Variants in OR3A2 observed in about 807,000 individuals in gnomAD.
The protein encoded by OR3A2 is olfactory receptor 3A2.
For synonymous variants in OR3A2, 126 were observed against 159.3 expected, an observed-to-expected ratio of 0.79 and a Z score of 1.57; for missense variants, 318 against 392.8, an observed-to-expected ratio of 0.81 and a Z score of 1.61.
rs376499655 is a variant in OR3A2, at chr17:3,311,399, G to A, written c.-85+24634C>T. 30 of 506,478 alleles carry A rather than the reference G, an allele frequency of 5.9e-5. No homozygotes were observed. The highest frequency in any genetic ancestry group is 3.7e-4 in the Middle Eastern group (1 of 2,706). The allele number at this position is 506,478 out of a possible 1,614,324, so 31.4% of individuals were successfully genotyped here. A position where few individuals can be genotyped will look rare whatever the true frequency, so the allele number is the denominator to read the frequency against. ...TGTCAGCTTCTCACCAACAGCACTC[G>A]CATGAGCTGTGAAGTCCAGGGTGCC... On this transcript the variant is annotated intron_variant, in intron 3 of 4. Transcript: ENST00000573491. This position sits in a 1 kb window ranked among gnomAD's most constrained non-coding sequence, Gnocchi z 4.6.
At chr17:3,334,067 A>G (rs1048608354) in intron 3 of OR3A2, among the ~76,000 whole-genome samples, 1 of 152,338 alleles carries the variant, frequency 6.6e-6, no homozygotes, top group Non-Finnish European at 1.5e-5. Flanking sequence ...ATCATCTCAC[A>G]CCAGTCAGAA....
intron 2 of OR3A2, among the ~76,000 whole-genome samples, chr17:3,382,738 A>G (rs576720754): frequency 3.9e-5 from 6 of 152,200 alleles, no homozygotes; most frequent in African/African-American, 1.2e-4. Context: ...AAGCATCTGT[A>G]TATCTGGTGG....
At chr17:3,345,507 T>C (rs1209271958) in intron 2 of OR3A2, among the ~76,000 whole-genome samples, 1 of 151,690 alleles carries the variant, frequency 6.6e-6, no homozygotes, top group Non-Finnish European at 1.5e-5. Flanking sequence ...AACAAAATTA[T>C]AATAAGCAGC....
intron 1 of OR3A2, among the ~76,000 whole-genome samples, chr17:3,384,800 G>A (rs2049765085): frequency 6.6e-6 from 1 of 152,014 alleles, no homozygotes; most frequent in South Asian, 2.1e-4. Flanking sequence ...TTTTGTTGAT[G>A]GCTGCTTTTG....
chr17:3,305,360 T>C (rs1443844379), intron 3 of OR3A2, among the ~76,000 whole-genome samples: 1 of 152,134 alleles, frequency 6.6e-6, no homozygotes, highest in African/African-American at 2.4e-5. Flanking sequence ...GCAAGGAATA[T>C]GAAGAATATA....
At chr17:3,335,807 TC>T (rs2049271691) in intron 3 of OR3A2, among the ~76,000 whole-genome samples, 1 of 152,204 alleles carries the variant, frequency 6.6e-6, no homozygotes, top group Admixed American at 6.5e-5. Context: ...TCATTCTTTT[TC>T]CCAGTTTGTT....
At chr17:3,375,688 C>T (rs993340484) in intron 2 of OR3A2, among the ~76,000 whole-genome samples, 1 of 152,050 alleles carries the variant, frequency 6.6e-6, no homozygotes, top group African/African-American at 2.4e-5. Flanking sequence ...TGCTATATTA[C>T]CAGAATTACT....
At chr17:3,371,702 C>G in intron 2 of OR3A2, among the ~76,000 whole-genome samples, 1 of 140,266 alleles carries the variant, frequency 7.1e-6, no homozygotes, top group Non-Finnish European at 1.6e-5. Flanking sequence ...GGGTGCTGAC[C>G]CCCCCACCTC....
downstream of OR3A2, among the ~76,000 whole-genome samples, chr17:3,276,771 C>T (rs538894717): frequency 1.3e-5 from 2 of 152,210 alleles, no homozygotes; most frequent in Non-Finnish European, 2.9e-5. Context: ...AGGAAGGTAA[C>T]ATTAAATGAG....
chr17:3,374,178 T>C (rs576432520), intron 2 of OR3A2, among the ~76,000 whole-genome samples: 76 of 152,330 alleles, frequency 5.0e-4, no homozygotes, highest in South Asian at 1.9e-3. Flanking sequence ...GTTAATCTGA[T>C]AGGTTTTCCT....
At chr17:3,383,004 G>C (rs2049751267) in intron 2 of OR3A2, among the ~76,000 whole-genome samples, 1 of 152,194 alleles carries the variant, frequency 6.6e-6, no homozygotes, top group Non-Finnish European at 1.5e-5. Context: ...TACGGCTAGA[G>C]CATTGTGTCC....
At chr17:3,349,742 C>T (rs996344584) in intron 2 of OR3A2, among the ~76,000 whole-genome samples, 18 of 151,230 alleles carry the variant, frequency 1.2e-4, no homozygotes, top group Admixed American at 5.9e-4. Context: ...TTTTTCAGCA[C>T]CACACCACAC....
chr17:3,314,948 T>C (rs2049069624), intron 3 of OR3A2, among the ~76,000 whole-genome samples: 1 of 152,220 alleles, frequency 6.6e-6, no homozygotes, highest in South Asian at 2.1e-4. Context: ...TTTTATTTTC[T>C]CTTTCTGCAT....
chr17:3,378,566 G>T (rs1300398841), intron 2 of OR3A2, among the ~76,000 whole-genome samples: 2 of 152,072 alleles, frequency 1.3e-5, no homozygotes, highest in African/African-American at 4.8e-5. Flanking sequence ...TCACCAACTT[G>T]GTAGGGGGTG....
At chr17:3,340,071 T>C (rs1328920206) in intron 2 of OR3A2, among the ~76,000 whole-genome samples, 1 of 152,220 alleles carries the variant, frequency 6.6e-6, no homozygotes, top group African/African-American at 2.4e-5. Flanking sequence ...GAGGTGTTTA[T>C]AGTATTCTCT....
chr17:3,323,677 A>G (rs1164489210), intron 3 of OR3A2, among the ~76,000 whole-genome samples: 1 of 152,048 alleles, frequency 6.6e-6, no homozygotes, highest in Non-Finnish European at 1.5e-5. Flanking sequence ...AGAATGTTGA[A>G]TATTTGCCCC....
At chr17:3,355,349 T>C (rs900585610) in intron 2 of OR3A2, among the ~76,000 whole-genome samples, 1 of 151,490 alleles carries the variant, frequency 6.6e-6, no homozygotes, top group African/African-American at 2.4e-5. Flanking sequence ...CTATCATTTT[T>C]TGTTGATTGT....
intron 1 of OR3A2, among the ~76,000 whole-genome samples, chr17:3,281,751 C>A (rs1241817789): frequency 2.0e-5 from 3 of 152,112 alleles, no homozygotes; most frequent in Admixed American, 1.3e-4. Context: ...ATTTAAGATA[C>A]CTTGCAAAGG....
At chr17:3,325,401 G>T (rs917674653) in intron 3 of OR3A2, among the ~76,000 whole-genome samples, 1 of 151,582 alleles carries the variant, frequency 6.6e-6, no homozygotes, top group Non-Finnish European at 1.5e-5. Flanking sequence ...GTAGAGATGC[G>T]GTTTCACCAG....
Sources: gnomAD v4.1 joint callset for allele counts (sites outside exome capture counted in the v4.1 genomes callset) on GRCh38, gnomAD v4.1.1 for gene constraint, Gnocchi (gnomAD v3.1) non-coding constraint, MANE v1.5 for transcripts, NCBI Gene and HGNC (gene_info 2026-07-23, HGNC 2026-07-21) for gene names.